The following ANLN variants were observed in gnomAD, a reference collection of about 807,000 sequenced individuals.
The protein encoded by ANLN is anillin.
A neutral mutation model predicts 135.1 loss-of-function variants in ANLN; 59 were observed. The ratio of observed to expected loss-of-function variants is 0.44; its 90% CI spans 0.35 to 0.54. The LOEUF is 0.54. Ranked by LOEUF, ANLN falls within the 20% of genes least tolerant of loss-of-function variation. ANLN has a pLI of 0.00. For synonymous variants in ANLN, 406 were observed against 456.4 expected, an observed-to-expected ratio of 0.89 and a Z score of 1.41; for missense variants, 1,182 against 1,340.0, an observed-to-expected ratio of 0.88 and a Z score of 1.84.
intron 14 of ANLN, 98 bp from the exon 15 acceptor site, chr7:36,423,719 C>A: frequency 9.0e-7 from 1 of 1,114,350 alleles, no homozygotes. Flanking sequence ...GTATATAAAT[C>A]AGTTCAATAT....
chr7:36,417,195 GT>G lies in ANLN; in HGVS notation c.1633+10del. ...CAAAGGTTGAGCAGAAAATTGGTTG[GT>G]TTTTATTCTTTATTTATTATTAACT... On this transcript the variant is annotated splice_donor_region_variant and intron_variant, in intron 9 of 23. Transcript: ENST00000265748. 1 of 1,526,578 alleles carries G rather than the reference GT, an allele frequency of 6.6e-7. No homozygotes were observed. The highest frequency in any genetic ancestry group is 9.0e-7 in the Non-Finnish European group (1 of 1,115,136). The allele number at this position is 1,526,578 out of a possible 1,614,324, so 94.6% of individuals were successfully genotyped here. A position where few individuals can be genotyped will look rare whatever the true frequency, so the allele number is the denominator to read the frequency against.
chr7:36,436,870 G>A (rs1182299067), intron 20 of ANLN, among the ~76,000 whole-genome samples: 2 of 152,054 alleles, frequency 1.3e-5, no homozygotes, highest in Non-Finnish European at 2.9e-5. Flanking sequence ...AGTTTTCTTT[G>A]TATATTCTGG....
chr7:36,412,602 A>G (rs1787471189), intron 7 of ANLN, among the ~76,000 whole-genome samples: 2 of 152,122 alleles, frequency 1.3e-5, no homozygotes, highest in Non-Finnish European at 2.9e-5. Context: ...TGCAGGGATT[A>G]CAGGTGTGAG....
chr7:36,394,082 A>AC (rs941722561), intron 1 of ANLN, among the ~76,000 whole-genome samples: 7 of 151,612 alleles, frequency 4.6e-5, no homozygotes, highest in Admixed American at 2.0e-4. Flanking sequence ...CAGCCACCCC[A>AC]CCCCCCAGGT....
intron 3 of ANLN, among the ~76,000 whole-genome samples, chr7:36,403,110 T>A (rs1184219236): frequency 1.3e-5 from 2 of 151,960 alleles, no homozygotes; most frequent in Non-Finnish European, 2.9e-5. Context: ...AGAGCGAAAC[T>A]CTTTCTCAAA....
rs1333045820 is a variant in ANLN at position 36,426,932 on chromosome 7, A to C, written c.2787A>C (p.Gly929=). The change falls in exon 20 of 24, where the codon GGA becomes GGC. Residue 929 remains glycine, a synonymous_variant. Transcript: ENST00000265748. ...NIHSSVMASP[G]GLSAVRTSNF... is the part of the protein sequence containing the mutation. ...TCTTCACAGTCATGGCCAGTCCAGG[A>C]GGTCTTAGTGCTGTGCGAACCAGCA... 3 of 1,606,098 alleles carry C rather than the reference A, an allele frequency of 1.9e-6. No homozygotes were observed. The East Asian group carries it at 6.7e-5, about 36-fold the overall frequency.
chr7:36,391,617 A>C (rs1016204691), intron 1 of ANLN, among the ~76,000 whole-genome samples: 1 of 152,208 alleles, frequency 6.6e-6, no homozygotes, highest in African/African-American at 2.4e-5. Context: ...AGCATTCATA[A>C]CATTTGCACA....
chr7:36,423,646 A>G (rs1183414074), intron 14 of ANLN, among the ~76,000 whole-genome samples, 171 bp from the exon 15 acceptor site: 2 of 152,244 alleles, frequency 1.3e-5, no homozygotes, highest in Middle Eastern at 3.4e-3. Context: ...TATACTGCCT[A>G]CTTAAGTCTT....
chr7:36,431,681 C>T (rs1036272591), intron 20 of ANLN, among the ~76,000 whole-genome samples: 1 of 146,054 alleles, frequency 6.8e-6, no homozygotes, highest in African/African-American at 2.5e-5. Context: ...TGGAACCAAT[C>T]CAGGCCTTGT....
intron 21 of ANLN, among the ~76,000 whole-genome samples, chr7:36,441,661 G>T (rs1788778323): frequency 6.6e-6 from 1 of 152,094 alleles, no homozygotes; most frequent in Non-Finnish European, 1.5e-5. Context: ...AATTTCCTTG[G>T]CCCTCTGTTT....
chr7:36,413,104 C>T (rs558375204), intron 7 of ANLN, among the ~76,000 whole-genome samples: 74 of 132,322 alleles, frequency 5.6e-4, no homozygotes, highest in South Asian at 2.6e-3. Context: ...AGACTAGGGG[C>T]TCAACAAACT....
chr7:36,441,595 G>A (rs903497662), intron 21 of ANLN, among the ~76,000 whole-genome samples: 1 of 152,202 alleles, frequency 6.6e-6, no homozygotes, highest in Non-Finnish European at 1.5e-5. Flanking sequence ...CAAGAGGCAG[G>A]CGCTCTGGAT....
rs1201833894 is a variant in ANLN at position 36,410,689 on chromosome 7, A to G, written c.1272A>G (p.Ala424=). The change falls in exon 6 of 24, where the codon GCA becomes GCG. Residue 424 remains alanine, a synonymous_variant. Coordinates refer to ENST00000265748, the MANE Select transcript of ANLN (RefSeq NM_018685.5). ...QDTSSSTTHL[A]QQLKQERQKE... The stretch of plus-strand genomic sequence containing the variant: ...CATCTTCATCTACTACCCATTTAGC[A>G]CAACAGCTCAAGCAGGTATGGTGTA... The G allele has an allele frequency of 6.2e-7, 1 of 1,613,904 alleles. No homozygotes were observed. Among genetic ancestry groups the G allele is most frequent in the Non-Finnish European group, 8.5e-7 (1 of 1,179,890 alleles).
At chr7:36,425,874 C>T in intron 18 of ANLN, 134 bp downstream of exon 18, 3 of 1,131,822 alleles carry the variant, frequency 2.7e-6, no homozygotes, top group South Asian at 2.9e-5. Context: ...GGGGATATCC[C>T]TGTAATTTAT....
intron 22 of ANLN, among the ~76,000 whole-genome samples, chr7:36,445,034 C>G (rs80013962): frequency 0.02 from 3,100 of 152,036 alleles, 46 homozygotes; most frequent in Middle Eastern, 0.058. Context: ...ATTCTCTCTC[C>G]CGCAGAGATA....
rs1583603513 is a variant in ANLN, at chr7:36,406,220, C to T, written c.527C>T (p.Ser176Leu). The T allele has an allele frequency of 6.2e-7, 1 of 1,611,728 alleles. No homozygotes were observed. The highest frequency in any genetic ancestry group is 8.5e-7 in the Non-Finnish European group (1 of 1,178,000). ...PESSLFSPMP[S>L]EEKAASPPRP... Reference sequence around the variant, plus strand: ...AGCTCACTCTTCTCACCAATGCCATCAGAGGAAAAGGCTGCTTCCCCTCCC... The same window carrying T: ...AGCTCACTCTTCTCACCAATGCCATTAGAGGAAAAGGCTGCTTCCCCTCCC... The change falls in exon 4 of 24, where the codon TCA becomes TTA. Residue 176 changes from serine to leucine, a missense_variant. Ser to Leu is a moderately radical substitution (Grantham distance 145). This residue lies in a region of ANLN where 1,022 missense variants were observed against 1,134.0 expected (regional missense o/e 0.90). Transcript: ENST00000265748.
rs1352259885 is a variant in ANLN at position 36,424,613 on chromosome 7, T to C, written c.2652+20T>C. The C allele has an allele frequency of 1.9e-6, 3 of 1,600,110 alleles. No homozygotes were observed. The South Asian group carries it at 3.4e-5, about 18-fold the overall frequency. Reference sequence around the variant, plus strand: ...AGCTTGGTAAGCTGATAAAGCCTTCTAAAATAATGAAGAGTATATTTTTCT... The same window carrying C: ...AGCTTGGTAAGCTGATAAAGCCTTCCAAAATAATGAAGAGTATATTTTTCT... On this transcript the variant is annotated intron_variant, in intron 16 of 23. Transcript: ENST00000265748.
intron 21 of ANLN, among the ~76,000 whole-genome samples, chr7:36,442,077 A>G (rs1029008863): frequency 6.6e-6 from 1 of 152,224 alleles, no homozygotes; most frequent in African/African-American, 2.4e-5. Flanking sequence ...TAGACTCTTG[A>G]TTCAAGCCAC....
Position 36,422,742 on chromosome 7 carries a change from A to G in ANLN, c.2409A>G (p.Ser803=), listed in dbSNP as rs756987624. ...PQSEFMPSKG[S]VTLSEIRLPL... is the part of the protein sequence containing the mutation. ...GTGAATTTATGCCATCCAAAGGATC[A>G]GTTACTTTGTCAGAAATCCGCTTGC... is the stretch of plus-strand genomic sequence containing the variant. Residue 803 remains serine, a synonymous_variant, in exon 14 of 24, where the codon TCA becomes TCG. Transcript: ENST00000265748. 80 of 1,613,592 alleles carry G rather than the reference A, an allele frequency of 5.0e-5. No individual in the cohort carries two copies. The highest frequency in any genetic ancestry group is 6.0e-5 in the Non-Finnish European group (71 of 1,179,842).
Sources: allele counts gnomAD v4.1 joint callset (sites outside exome capture counted in the v4.1 genomes callset), GRCh38; gene constraint gnomAD v4.1.1; regional missense constraint gnomAD v4.1.1; transcripts MANE v1.5; gene names NCBI Gene and HGNC (gene_info 2026-07-23, HGNC 2026-07-21).